The following TCAIM variants were observed in gnomAD, a reference collection of about 807,000 sequenced individuals.
TCAIM encodes T cell activation inhibitor, mitochondrial.
Under a neutral mutation model 58.6 loss-of-function variants are expected in TCAIM, and 36 were observed. The observed-to-expected ratio is 0.61, with a 90% confidence interval of 0.47 to 0.81. The LOEUF (loss-of-function observed/expected upper bound fraction) is 0.81. TCAIM is among the 30% of genes least tolerant of loss of function. TCAIM has a pLI of 0.00. For synonymous variants in TCAIM, 172 were observed against 193.6 expected, an observed-to-expected ratio of 0.89 and a Z score of 0.93; for missense variants, 466 against 579.6, an observed-to-expected ratio of 0.80 and a Z score of 2.01.
intron 2 of TCAIM, among the ~76,000 whole-genome samples, chr3:44,355,107 C>G (rs1487532278): frequency 2.0e-5 from 3 of 152,160 alleles, no homozygotes; most frequent in Non-Finnish European, 1.5e-5. Flanking sequence ...TTTCAAGCAT[C>G]TAGGGCACAC....
At chr3:44,338,575 G>C (rs1043386191), upstream of TCAIM, 1 of 152,614 alleles carries the variant, frequency 6.6e-6, no homozygotes, top group Non-Finnish European at 1.5e-5. Context: ...GGTGGAGCCG[G>C]GAGGGCCCAG....
At chr3:44,383,614 A>C (rs1701687640) in intron 5 of TCAIM, among the ~76,000 whole-genome samples, 1 of 152,092 alleles carries the variant, frequency 6.6e-6, no homozygotes, top group African/African-American at 2.4e-5. Context: ...AGTTCTGAAA[A>C]TTGATGGTGG....
intron 5 of TCAIM, among the ~76,000 whole-genome samples, chr3:44,374,624 G>T (rs1189948647): frequency 6.6e-6 from 1 of 152,070 alleles, no homozygotes; most frequent in Non-Finnish European, 1.5e-5. Flanking sequence ...AGCCAGGTGT[G>T]ATGGCATGTG....
At chr3:44,347,376 TGGGG>T (rs1425601716) in intron 1 of TCAIM, among the ~76,000 whole-genome samples, 2 of 152,128 alleles carry the variant, frequency 1.3e-5, no homozygotes. Flanking sequence ...ACCGAAGTAA[TGGGG>T]GCTGTCCCTG....
At chr3:44,359,675 C>T (rs1465435733) in intron 3 of TCAIM, 1 of 152,210 alleles carries the variant, frequency 6.6e-6, no homozygotes, top group Non-Finnish European at 1.5e-5. Flanking sequence ...GTCTGTAAAA[C>T]TCCACTGTGA....
intron 5 of TCAIM, among the ~76,000 whole-genome samples, chr3:44,385,319 T>C (rs1701721180): frequency 6.6e-6 from 1 of 152,326 alleles, no homozygotes; most frequent in Admixed American, 6.5e-5. Flanking sequence ...GAAGAGAGAC[T>C]CTCACTTTAC....
At chr3:44,366,075 G>T (rs558384436) in intron 4 of TCAIM, among the ~76,000 whole-genome samples, 5 of 152,244 alleles carry the variant, frequency 3.3e-5, no homozygotes, top group South Asian at 2.1e-4. Flanking sequence ...TTTAAGCCCT[G>T]GCTTCATTCT....
chr3:44,389,640 T>G (rs1228167431), intron 5 of TCAIM, among the ~76,000 whole-genome samples: 1 of 152,124 alleles, frequency 6.6e-6, no homozygotes, highest in Non-Finnish European at 1.5e-5. Context: ...AATTAAGATA[T>G]TTTTACCTGC....
intron 9 of TCAIM, 39 bp downstream of exon 9, chr3:44,400,626 G>T: frequency 6.6e-7 from 1 of 1,520,436 alleles, no homozygotes; most frequent in Non-Finnish European, 9.1e-7. Flanking sequence ...TTATTCCTTC[G>T]TCTAGGTGGG....
intron 1 of TCAIM, among the ~76,000 whole-genome samples, chr3:44,350,379 C>T (rs1701062380): frequency 6.6e-6 from 1 of 151,966 alleles, no homozygotes; most frequent in African/African-American, 2.4e-5. Context: ...CAGGCTTGGG[C>T]TCAGAGGCCT....
intron 1 of TCAIM, among the ~76,000 whole-genome samples, chr3:44,344,157 G>C (rs756106613): frequency 6.6e-6 from 1 of 151,770 alleles, no homozygotes; most frequent in Non-Finnish European, 1.5e-5. Flanking sequence ...AATTACAGGC[G>C]TGTGTCACCA....
chr3:44,377,765 G>A (rs1701589416), intron 5 of TCAIM, among the ~76,000 whole-genome samples: 1 of 152,130 alleles, frequency 6.6e-6, no homozygotes, highest in Non-Finnish European at 1.5e-5. Context: ...CTCTTAACCA[G>A]CAGATCAAAG....
intron 5 of TCAIM, chr3:44,367,984 T>C (rs56366429): frequency 0.14 from 44,889 of 314,492 alleles, 3,329 homozygotes; most frequent in Admixed American, 0.17. Flanking sequence ...CAGGAGATTG[T>C]TTTGTTTAAC....
chr3:44,367,241 C>T (rs998415285), intron 4 of TCAIM, among the ~76,000 whole-genome samples: 1 of 152,070 alleles, frequency 6.6e-6, no homozygotes, highest in African/African-American at 2.4e-5. Flanking sequence ...TGGAGCCAAA[C>T]TAGAAAATGG....
At chr3:44,360,498 T>TA (rs527414710) in intron 3 of TCAIM, among the ~76,000 whole-genome samples, 41 of 149,992 alleles carry the variant, frequency 2.7e-4, no homozygotes, top group Admixed American at 2.3e-3. Flanking sequence ...ATTGTGGGTT[T>TA]AAAAAAAAAA....
At chr3:44,358,227 G>T in intron 3 of TCAIM, 1 of 1,553,584 alleles carries the variant, frequency 6.4e-7, no homozygotes. Flanking sequence ...GATGATACAT[G>T]GAAGAGTTTT....
At chr3:44,375,976 G>A (rs1701558623) in intron 5 of TCAIM, among the ~76,000 whole-genome samples, 1 of 152,184 alleles carries the variant, frequency 6.6e-6, no homozygotes, top group South Asian at 2.1e-4. Flanking sequence ...TCCATATAAT[G>A]GAATATTATT....
intron 4 of TCAIM, among the ~76,000 whole-genome samples, chr3:44,363,759 A>T (rs964301338): frequency 3.3e-5 from 5 of 152,054 alleles, no homozygotes; most frequent in African/African-American, 1.2e-4. Context: ...ACTTTCAGTT[A>T]ATGGTTAACT....
At chr3:44,373,364 A>G (rs1701510563) in intron 5 of TCAIM, among the ~76,000 whole-genome samples, 1 of 152,154 alleles carries the variant, frequency 6.6e-6, no homozygotes, top group Admixed American at 6.5e-5. Context: ...ACCTATAAAA[A>G]TGATAAAATG....
Sources: gnomAD v4.1 joint callset for allele counts (sites outside exome capture counted in the v4.1 genomes callset) on GRCh38, gnomAD v4.1.1 for gene constraint, MANE v1.5 for transcripts, NCBI Gene and HGNC (gene_info 2026-07-23, HGNC 2026-07-21) for gene names.